Variants in C8A observed in about 807,000 individuals in gnomAD.
The protein encoded by C8A is complement component C8 alpha chain.
In C8A, 67 loss-of-function variants were observed where a neutral mutation model predicts 65.3. The ratio of observed to expected loss-of-function variants is 1.03; its 90% CI spans 0.84 to 1.26. The LOEUF is 1.26. Among genes scored for constraint, C8A ranks in the 50% most tolerant of loss-of-function variants. The probability of loss-of-function intolerance (pLI) is 0.00; values close to 1 mark genes in which losing one functional copy is unlikely to be tolerated. For missense variants in C8A, 781 were observed against 723.9 expected (o/e 1.08, Z -0.90); for synonymous variants, 290 against 259.4 (o/e 1.12, Z -1.13).
intron 1 of C8A, among the ~76,000 whole-genome samples, chr1:56,856,988 A>G (rs185812029): frequency 6.6e-6 from 1 of 152,152 alleles, no homozygotes; most frequent in Admixed American, 6.5e-5. Context: ...GTTGCTTAGA[A>G]GTTTTTAATT....
In C8A at chr1:56,870,687, T is replaced by TAAATTAAATTAAATTAAATTAA. The variant is rs1250198849; in HGVS notation, c.171+2986_171+2987insAATTAAATTAAATTAAATTAAA. Among the ~76,000 whole-genome samples, 1,256 of 152,198 alleles carry TAAATTAAATTAAATTAAATTAA rather than the reference T, an allele frequency of 8.3e-3. 19 individuals are homozygous for TAAATTAAATTAAATTAAATTAA. Among genetic ancestry groups the TAAATTAAATTAAATTAAATTAA allele is most frequent in the African/African-American group, 0.028 (1,158 of 41,470 alleles). ...TATATATCCTAAATTAAATTTTTCG[T>TAAATTAAATTAAATTAAATTAA]ATTTATTTCAGTTTAGACAGCAGGT... is the stretch of plus-strand genomic sequence containing the variant. On this transcript the variant is annotated intron_variant, in intron 2 of 10. Coordinates refer to ENST00000361249, the MANE Select transcript of C8A (RefSeq NM_000562.3).
Position 56,885,976 on chromosome 1 carries a change from A to G in C8A, c.905A>G (p.Lys302Arg). ...IFTKVQTAHF[K>R]MRKDDIMLDE... is the part of the protein sequence containing the mutation. ...ACAAAGGTGCAGACTGCACATTTTA[A>G]GATGAGGAAGGATGACATTATGCTG... Residue 302 changes from lysine to arginine, a missense_variant, in exon 7 of 11, where the codon AAG becomes AGG. Coordinates refer to ENST00000361249, the MANE Select transcript of C8A (RefSeq NM_000562.3). The G allele has an allele frequency of 1.9e-6, 3 of 1,614,014 alleles. No homozygotes were observed. Among genetic ancestry groups the G allele is most frequent in the Non-Finnish European group, 2.5e-6 (3 of 1,179,910 alleles).
Position 56,917,897 on chromosome 1 carries a change from A to G in C8A, c.*181A>G. 1.5e-6 allele frequency: 1 copy of G among 653,522 alleles called. No homozygotes were observed. The highest frequency in any genetic ancestry group is 2.6e-6 in the Non-Finnish European group (1 of 378,486). 40.5% of individuals were successfully genotyped at this position (653,522 alleles called of 1,614,324 possible). ...ACAGCCAACTATTCTATTAGTTACA[A>G]AACTCAATCATTTTATTCAGCAACT... is the stretch of plus-strand genomic sequence containing the variant. On this transcript the variant is annotated 3_prime_UTR_variant, in exon 11 of 11. Transcript: ENST00000361249.
chr1:56,875,183 C>G, intron 3 of C8A, 90 bp downstream of exon 3: 3 of 1,444,294 alleles, frequency 2.1e-6, no homozygotes, highest in Non-Finnish European at 2.9e-6. Flanking sequence ...ATGCATACTC[C>G]TGAGCCCTTC....
chr1:56,885,826 A>G (rs1644295031), intron 6 of C8A, 101 bp from the exon 7 acceptor site: 1 of 1,514,784 alleles, frequency 6.6e-7, no homozygotes, highest in Admixed American at 1.7e-5. Context: ...CTGGGATTAC[A>G]GGCATGAGCC....
chr1:56,868,083 G>A (rs534723546), intron 2 of C8A, among the ~76,000 whole-genome samples: 1 of 152,082 alleles, frequency 6.6e-6, no homozygotes, highest in East Asian at 1.9e-4. Flanking sequence ...TAATCCAAGG[G>A]ATATCCCAGA....
At chr1:56,902,622 T>C (rs1005120933) in intron 7 of C8A, among the ~76,000 whole-genome samples, 2 of 152,246 alleles carry the variant, frequency 1.3e-5, no homozygotes, top group African/African-American at 4.8e-5. Context: ...TGAGACTTTA[T>C]GGTCATTGAT....
At chr1:56,870,053 ACTGTTC>A (rs1557699008) in intron 2 of C8A, among the ~76,000 whole-genome samples, 1 of 152,102 alleles carries the variant, frequency 6.6e-6, no homozygotes, top group African/African-American at 2.4e-5. Context: ...AGAATCTTAG[ACTGTTC>A]CTGTTTAAAT....
At chr1:56,857,687 C>A (rs1453127028) in intron 1 of C8A, among the ~76,000 whole-genome samples, 1 of 151,578 alleles carries the variant, frequency 6.6e-6, no homozygotes, top group Non-Finnish European at 1.5e-5. Flanking sequence ...TCTATGTGTC[C>A]CATGTCTTCC....
In C8A at chr1:56,862,492, G is replaced by T. The variant is rs376795116; in HGVS notation, c.78-5117G>T. 2.0e-5 allele frequency among the ~76,000 whole-genome samples: 3 copies of T among 152,268 alleles called. No individual in the cohort carries two copies. In the South Asian group the frequency reaches 6.2e-4, roughly 32 times the overall value. ...TTTGAATCTCCAAGAACAATATGGTGTATGCAGTTCATCCAAATGTATTTG... is the reference window on the plus strand; with the variant it reads ...TTTGAATCTCCAAGAACAATATGGTTTATGCAGTTCATCCAAATGTATTTG... On this transcript the variant is annotated intron_variant, in intron 1 of 10. Transcript: ENST00000361249.
chr1:56,900,307 C>A (rs1644417267), intron 7 of C8A, among the ~76,000 whole-genome samples: 1 of 152,136 alleles, frequency 6.6e-6, no homozygotes, highest in Non-Finnish European at 1.5e-5. Context: ...GCCTGTTAGT[C>A]CTGGGTGACT....
chr1:56,892,245 A>G (rs7540912), intron 7 of C8A, among the ~76,000 whole-genome samples: 1 of 152,116 alleles, frequency 6.6e-6, no homozygotes, highest in Non-Finnish European at 1.5e-5. Context: ...TTCTCTATAG[A>G]GACACCACCA....
At chr1:56,885,310 A>G (rs1557705403) in intron 6 of C8A, among the ~76,000 whole-genome samples, 2 of 115,942 alleles carry the variant, frequency 1.7e-5, no homozygotes, top group Non-Finnish European at 3.2e-5. Context: ...ATATATATTT[A>G]CATAAATATA....
rs1240849447 is a variant in C8A at position 56,863,766 on chromosome 1, C to A, written c.78-3843C>A. ...TAATTTAGATTATAAGAATCAGGTT[C>A]AAATAAATATCTCAACAATGTCACT... On this transcript the variant is annotated intron_variant, in intron 1 of 10. Coordinates refer to ENST00000361249, the MANE Select transcript of C8A (RefSeq NM_000562.3). 2.6e-5 allele frequency among the ~76,000 whole-genome samples: 4 copies of A among 152,252 alleles called. No homozygotes were observed. The South Asian group carries it at 6.2e-4, about 24-fold the overall frequency.
rs1055749126 is a variant in C8A at position 56,864,393 on chromosome 1, G to A, written c.78-3216G>A. Reference sequence around the variant, plus strand: ...TAAAGGTAAATAAAGAGAAGAGGGGGTCTTATTGAAAGGGAGGAAGCTTAG... The same window carrying A: ...TAAAGGTAAATAAAGAGAAGAGGGGATCTTATTGAAAGGGAGGAAGCTTAG... On this transcript the variant is annotated intron_variant, in intron 1 of 10. Transcript: ENST00000361249. Among the ~76,000 whole-genome samples, 3 of 152,052 alleles carry A rather than the reference G, an allele frequency of 2.0e-5. No homozygotes were observed. The East Asian group carries it at 5.8e-4, about 29-fold the overall frequency.
At position 56,876,080 on chromosome 1, in the gene C8A, A is replaced by G; in HGVS notation, c.335A>G (p.His112Arg). The G allele has an allele frequency of 6.2e-7, 1 of 1,613,722 alleles. No individual in the cohort carries two copies. The highest frequency in any genetic ancestry group is 8.5e-7 in the Non-Finnish European group (1 of 1,179,840). ...TCTCCAGGTCGCTGCCTGAAACGCCACCTTGTGTGTAATGGAGACCAGGAC... is the reference window on the plus strand; with the variant it reads ...TCTCCAGGTCGCTGCCTGAAACGCCGCCTTGTGTGTAATGGAGACCAGGAC... ...CKETGRCLKR[H>R]LVCNGDQDCL... Residue 112 changes from histidine to arginine, a missense_variant, in exon 4 of 11, where the codon CAC (histidine) becomes CGC (arginine). Coordinates refer to ENST00000361249, the MANE Select transcript of C8A (RefSeq NM_000562.3).
intron 7 of C8A, among the ~76,000 whole-genome samples, chr1:56,899,977 G>C (rs1644414505): frequency 6.6e-6 from 1 of 152,184 alleles, no homozygotes; most frequent in South Asian, 2.1e-4. Flanking sequence ...TTCAGAATTT[G>C]GCCTTCATCT....
At position 56,883,548 on chromosome 1, in the gene C8A, A is replaced by T. The variant is rs1382904497; in HGVS notation, c.722A>T (p.Lys241Ile). The change falls in exon 6 of 11, where the codon AAA (lysine) becomes ATA (isoleucine). Residue 241 changes from lysine to isoleucine, a missense_variant. By Grantham distance (102) the Lys-to-Ile change is moderately radical. Coordinates refer to ENST00000361249, the MANE Select transcript of C8A (RefSeq NM_000562.3). ...GCAAATGACCTTCTTTCCAAAGTTA[A>T]AAAAGACAAGTCTGACTCATTTGGA... ...DNANDLLSKVKKDKSDSFGVT... is the reference protein window; with the variant it reads ...DNANDLLSKVIKDKSDSFGVT... The T allele has an allele frequency of 6.2e-6, 10 of 1,613,908 alleles. No individual in the cohort carries two copies. The highest frequency in any genetic ancestry group is 4.0e-5 in the African/African-American group (3 of 74,924).
At chr1:56,862,445 C>T (rs1644043697) in intron 1 of C8A, among the ~76,000 whole-genome samples, 1 of 152,086 alleles carries the variant, frequency 6.6e-6, no homozygotes, top group South Asian at 2.1e-4. Flanking sequence ...ACTCTCTGAA[C>T]CTTCAATATG....
Sources: gnomAD v4.1 joint callset for allele counts (sites outside exome capture counted in the v4.1 genomes callset) on GRCh38, gnomAD v4.1.1 for gene constraint, MANE v1.5 for transcripts, NCBI Gene and HGNC (gene_info 2026-07-23, HGNC 2026-07-21) for gene names.